PXDN: variants seen among roughly 807,000 people sequenced by gnomAD.
PXDN encodes the protein peroxidasin.
In PXDN, 77 loss-of-function variants were observed where a neutral mutation model predicts 140.3. That is an observed-to-expected ratio of 0.55 (90% CI 0.46 to 0.66). The LOEUF (loss-of-function observed/expected upper bound fraction) is 0.66, where lower values mean the gene tolerates loss of function less well. PXDN is among the 30% of genes least tolerant of loss of function. The pLI is 0.00. For synonymous variants in PXDN, 911 were observed against 857.4 expected (o/e 1.06, Z -1.09); for missense variants, 1,838 against 2,039.5 (o/e 0.90, Z 1.90).
At chr2:1,667,523 C>T in intron 9 of PXDN, among the ~76,000 whole-genome samples, 1 of 152,176 alleles carries the variant, frequency 6.6e-6, no homozygotes, top group East Asian at 1.9e-4. Context: ...TCTCTGTTTG[C>T]AGACGACATG....
chr2:1,710,962 CCA>C, intron 1 of PXDN, among the ~76,000 whole-genome samples: 1 of 101,606 alleles, frequency 9.8e-6, no homozygotes, highest in Non-Finnish European at 2.0e-5. Context: ...CCACCAGTAC[CCA>C]CTCTCCACCA....
intron 18 of PXDN, among the ~76,000 whole-genome samples, chr2:1,643,846 G>A (rs1682785832): frequency 6.6e-6 from 1 of 152,038 alleles, no homozygotes; most frequent in African/African-American, 2.4e-5. Context: ...GCCGAGGTGG[G>A]CGGATCACGA....
intron 1 of PXDN, among the ~76,000 whole-genome samples, chr2:1,742,225 T>C (rs1435776272): frequency 6.6e-6 from 1 of 152,252 alleles, no homozygotes; most frequent in Non-Finnish European, 1.5e-5. Context: ...AAAATGGGTA[T>C]GTTCATTTCT....
Position 1,643,402 on chromosome 2 carries a change from C to T in PXDN, c.3918G>A (p.Arg1306=), listed in dbSNP as rs1439121190. ...HGYGSCDEIP[R]VDLRVWQDCC... The stretch of plus-strand genomic sequence containing the variant: ...AGTCCTGCCACACCCGGAGGTCTAC[C>T]CTGGGGATCTCGTCACAGCTGCCGT... Residue 1306 remains arginine (R), a synonymous_variant, in exon 19 of 23, where the codon AGG becomes AGA. Coordinates refer to ENST00000252804, the MANE Select transcript of PXDN (RefSeq NM_012293.3). 1 of 1,613,922 alleles carries T rather than the reference C, an allele frequency of 6.2e-7. No individual in the cohort carries two copies.
At chr2:1,663,888 G>T in intron 11 of PXDN, 125 bp from the exon 12 acceptor site, 2 of 1,226,164 alleles carry the variant, frequency 1.6e-6, no homozygotes, top group Non-Finnish European at 2.3e-6. Context: ...ATTTGGCCTG[G>T]CCCTGCATAA....
chr2:1,675,058 T>C (rs975656120), intron 8 of PXDN, among the ~76,000 whole-genome samples: 1 of 152,050 alleles, frequency 6.6e-6, no homozygotes, highest in Non-Finnish European at 1.5e-5. Context: ...TCTCCTCGCC[T>C]GGCACCAATC....
rs770394672 is a variant in PXDN, at chr2:1,649,046, C to T, written c.2734G>A (p.Ala912Thr). 2.5e-6 allele frequency: 4 copies of T among 1,612,582 alleles called. No individual in the cohort carries two copies. Among genetic ancestry groups the T allele is most frequent in the Non-Finnish European group, 3.4e-6 (4 of 1,179,718 alleles). Reference sequence around the variant, plus strand: ...TCCGTGCTCCCGTACACGTTGGATGCGTCTATGTAGGAGGTGAGCTGGTTG... The same window carrying T: ...TCCGTGCTCCCGTACACGTTGGATGTGTCTATGTAGGAGGTGAGCTGGTTG... ...QINQLTSYID[A>T]SNVYGSTEHE... The change falls in exon 17 of 23, where the codon GCA (alanine) becomes ACA (threonine). Residue 912 changes from alanine to threonine, a missense_variant. By Grantham distance (58) the Ala-to-Thr change is moderately conservative (BLOSUM62 0). Coordinates refer to ENST00000252804, the MANE Select transcript of PXDN (RefSeq NM_012293.3). The surrounding 1 kb of genome is among the most constrained non-coding windows in gnomAD (Gnocchi z 7.1).
At position 1,705,005 on chromosome 2, in the gene PXDN, G is replaced by C. The variant is rs1008061840; in HGVS notation, c.201-11871C>G. Among the ~76,000 whole-genome samples the C allele has an allele frequency of 2.2e-4, 34 of 152,248 alleles. 1 individual carries two copies. Among genetic ancestry groups the C allele is most frequent in the African/African-American group, 7.5e-4 (31 of 41,530 alleles). ...GGATGTAATGAGAGGATGCACACAC[G>C]AGCTAGTTAGTAACCAACTAAAAAT... On this transcript the variant is annotated intron_variant, in intron 1 of 22. Transcript: ENST00000252804.
intron 14 of PXDN, among the ~76,000 whole-genome samples, chr2:1,658,409 A>G (rs11127328): frequency 0.93 from 141,550 of 151,914 alleles, 66,010 homozygotes; most frequent in East Asian, 1. Flanking sequence ...GGTGACACTG[A>G]CAGAGCCCAG....
chr2:1,675,855 C>CCCAACTCACAGG (rs1683693425), intron 8 of PXDN, among the ~76,000 whole-genome samples: 5 of 146,976 alleles, frequency 3.4e-5, no homozygotes, highest in African/African-American at 1.4e-4. Context: ...ACATCTCAGA[C>CCCAACTCACAGG]GCATCCCTCT....
chr2:1,721,856 G>A (rs1685061119), intron 1 of PXDN, among the ~76,000 whole-genome samples: 1 of 152,110 alleles, frequency 6.6e-6, no homozygotes, highest in Non-Finnish European at 1.5e-5. Context: ...ATCAGGCTGT[G>A]CTTTAATGAC....
chr2:1,741,167 G>T (rs987125115), intron 1 of PXDN, among the ~76,000 whole-genome samples: 74 of 152,268 alleles, frequency 4.9e-4, no homozygotes, highest in African/African-American at 1.5e-3. Context: ...GCGTGACCGT[G>T]AAGAAGAATG....
intron 1 of PXDN, among the ~76,000 whole-genome samples, chr2:1,743,286 G>T (rs533302674): frequency 1.5e-3 from 233 of 152,338 alleles, no homozygotes; most frequent in Non-Finnish European, 2.2e-3. Context: ...GCGCAACTGC[G>T]AACACGCTCG....
rs1420015413 is a variant in PXDN at position 1,687,537 on chromosome 2, T to C, written c.416+95A>G. ...GCACCTCAGGTAGCATAGTCATGCA[T>C]CATGCAAACAGCTAGCTCACTCCAC... is the stretch of plus-strand genomic sequence containing the variant. On this transcript the variant is annotated intron_variant, in intron 4 of 22. Coordinates refer to ENST00000252804, the MANE Select transcript of PXDN (RefSeq NM_012293.3). This position sits in a 1 kb window ranked among gnomAD's most constrained non-coding sequence, Gnocchi z 4.0. 2 of 927,316 alleles carry C rather than the reference T, an allele frequency of 2.2e-6. No individual in the cohort carries two copies. The highest frequency in any genetic ancestry group is 5.5e-5 in the East Asian group (2 of 36,598). 57.4% of individuals were successfully genotyped at this position (927,316 alleles called of 1,614,324 possible).
chr2:1,654,330 T>C, intron 15 of PXDN, 70 bp downstream of exon 15: 1 of 1,092,230 alleles, frequency 9.2e-7, no homozygotes, highest in Non-Finnish European at 1.4e-6. Flanking sequence ...GCATGCATTC[T>C]TTAATCACTC....
Position 1,659,605 on chromosome 2 carries a change from T to TA in PXDN, c.1837+1275dup, listed in dbSNP as rs577171767. Among the ~76,000 whole-genome samples, 509 of 152,322 alleles carry TA rather than the reference T, an allele frequency of 3.3e-3. 4 individuals carry two copies. Among genetic ancestry groups the TA allele is most frequent in the African/African-American group, 0.011 (472 of 41,586 alleles). On this transcript the variant is annotated intron_variant, in intron 14 of 22. Transcript: ENST00000252804. Reference sequence around the variant, plus strand: ...GGGGATGGAATTACGGGTGGACGATTAAATTTCAGATGTAATTAATTCATG... The same window carrying TA: ...GGGGATGGAATTACGGGTGGACGATTAAAATTTCAGATGTAATTAATTCATG...
chr2:1,684,502 T>G (rs1167296607), intron 4 of PXDN, among the ~76,000 whole-genome samples: 3 of 152,216 alleles, frequency 2.0e-5, no homozygotes, highest in Non-Finnish European at 4.4e-5. Flanking sequence ...AAGGATAACT[T>G]TAATGATAGC....
In PXDN at chr2:1,649,939, C is replaced by T. The variant is rs1201135708; in HGVS notation, c.2105-264G>A. 6.6e-6 allele frequency among the ~76,000 whole-genome samples: 1 copy of T among 152,056 alleles called. No individual in the cohort carries two copies. Among genetic ancestry groups the T allele is most frequent in the African/African-American group, 2.4e-5 (1 of 41,404 alleles). ...GGCCCTGTCTCCCCTCCCCACTTAG[C>T]AGTCTCATGGTTTCAACCAGCAGCT... On this transcript the variant is annotated intron_variant, in intron 16 of 22. Transcript: ENST00000252804. The surrounding 1 kb of genome is among the most constrained non-coding windows in gnomAD (Gnocchi z 7.1).
intron 14 of PXDN, among the ~76,000 whole-genome samples, chr2:1,654,790 C>T (rs1683092402): frequency 6.6e-6 from 1 of 152,174 alleles, no homozygotes; most frequent in East Asian, 1.9e-4. Flanking sequence ...CTATATGCAA[C>T]AGCATGTGGG....
Sources: allele counts gnomAD v4.1 joint callset (sites outside exome capture counted in the v4.1 genomes callset), GRCh38; gene constraint gnomAD v4.1.1; non-coding constraint Gnocchi (gnomAD v3.1); transcripts MANE v1.5; gene names NCBI Gene and HGNC (gene_info 2026-07-23, HGNC 2026-07-21).